SGK1: variants seen among roughly 807,000 people sequenced by gnomAD.
SGK1 encodes the protein serine/threonine-protein kinase Sgk1.
A neutral mutation model predicts 64.2 loss-of-function variants in SGK1; 26 were observed. The ratio of observed to expected loss-of-function variants is 0.40; its 90% CI spans 0.30 to 0.56. The LOEUF (loss-of-function observed/expected upper bound fraction) is 0.56. Ranked by LOEUF, SGK1 falls within the 20% of genes least tolerant of loss-of-function variation. The pLI is 0.38. For synonymous variants in SGK1, 265 were observed against 239.7 expected (o/e 1.11, Z -0.98); for missense variants, 519 against 645.6 (o/e 0.80, Z 2.12).
chr6:134,281,329 T>A (rs1044433376), intron 1 of SGK1, among the ~76,000 whole-genome samples: 18 of 152,178 alleles, frequency 1.2e-4, no homozygotes, highest in African/African-American at 4.1e-4. Flanking sequence ...AATCTCTAAA[T>A]CTATTTTCTC....
intron 5 of SGK1, 141 bp downstream of exon 5, chr6:134,173,860 ATATT>A (rs768483661): frequency 7.6e-6 from 5 of 657,642 alleles, no homozygotes; most frequent in Non-Finnish European, 1.1e-5. Flanking sequence ...CAATACTTAA[ATATT>A]TATATCACTT....
intron 1 of SGK1, among the ~76,000 whole-genome samples, chr6:134,313,786 C>CGTA (rs1182700396): frequency 7.2e-5 from 11 of 151,958 alleles, no homozygotes; most frequent in African/African-American, 2.2e-4. Context: ...TTTCACATAC[C>CGTA]TTGTGTATTT....
At chr6:134,244,611 C>T (rs1016260574) in intron 2 of SGK1, among the ~76,000 whole-genome samples, 3 of 152,110 alleles carry the variant, frequency 2.0e-5, no homozygotes, top group Non-Finnish European at 4.4e-5. Context: ...GCAACGCCCC[C>T]CACCTGCTTC....
chr6:134,227,950 T>G (rs963463938), intron 2 of SGK1, among the ~76,000 whole-genome samples: 27 of 134,036 alleles, frequency 2.0e-4, no homozygotes, highest in Middle Eastern at 3.6e-3. Flanking sequence ...ATTCTTTTTT[T>G]TTTTTTTTTT....
At chr6:134,256,370 C>CTG (rs753190735) in intron 2 of SGK1, among the ~76,000 whole-genome samples, 14 of 150,584 alleles carry the variant, frequency 9.3e-5, no homozygotes, top group Non-Finnish European at 1.2e-4. Context: ...GTGTGTGTGT[C>CTG]TGTGTGTGTG....
intron 2 of SGK1, among the ~76,000 whole-genome samples, chr6:134,237,439 G>A (rs1453158481): frequency 3.3e-5 from 5 of 151,646 alleles, no homozygotes; most frequent in Non-Finnish European, 5.9e-5. Flanking sequence ...ACTTTGGGAG[G>A]CCAAGGCAGG....
At chr6:134,231,172 G>C (rs1776272392) in intron 2 of SGK1, among the ~76,000 whole-genome samples, 1 of 152,208 alleles carries the variant, frequency 6.6e-6, no homozygotes, top group Non-Finnish European at 1.5e-5. Context: ...CTCCGTGACA[G>C]AGTGAGAATC....
At chr6:134,191,860 G>C (rs561488040) in intron 3 of SGK1, among the ~76,000 whole-genome samples, 1 of 9,422 alleles carries the variant, frequency 1.1e-4, no homozygotes, top group South Asian at 6.7e-3. Flanking sequence ...TTTTGAGACA[G>C]AGTCTCGCTC....
At chr6:134,226,176 T>C (rs938792203) in intron 2 of SGK1, among the ~76,000 whole-genome samples, 1 of 151,674 alleles carries the variant, frequency 6.6e-6, no homozygotes. Context: ...AACAATCTTA[T>C]CAAGGAAGGT....
intron 3 of SGK1, among the ~76,000 whole-genome samples, chr6:134,206,348 TATATATATATATATATATATATATATA>T (rs1775770334): frequency 9.1e-5 from 1 of 10,942 alleles, no homozygotes; most frequent in South Asian, 4.8e-3. Context: ...GATATATATA[TATATATATATATATATATATATATATA>T]TATATATATT....
At chr6:134,267,125 C>A (rs1166838008) in intron 1 of SGK1, among the ~76,000 whole-genome samples, 1 of 152,086 alleles carries the variant, frequency 6.6e-6, no homozygotes, top group African/African-American at 2.4e-5. Flanking sequence ...CCCCTGACTC[C>A]CTGAACACCC....
At position 134,213,716 on chromosome 6, in the gene SGK1, C is replaced by T. The variant is rs544573062; in HGVS notation, c.286-6285G>A. 5.4e-4 allele frequency among the ~76,000 whole-genome samples: 82 copies of T among 152,094 alleles called. 1 individual carries two copies. The South Asian group carries it at 0.015, about 28-fold the overall frequency. ...AGTTGGAAGCTAAAGAAGTGACCAGCGCCTGGAGTTTGGCTCCTGGCTGAA... is the reference window on the plus strand; with the variant it reads ...AGTTGGAAGCTAAAGAAGTGACCAGTGCCTGGAGTTTGGCTCCTGGCTGAA... On this transcript the variant is annotated intron_variant, in intron 2 of 13. Transcript: ENST00000367858.
chr6:134,177,362 T>C (rs932051928), intron 3 of SGK1, among the ~76,000 whole-genome samples: 2 of 152,240 alleles, frequency 1.3e-5, no homozygotes, highest in East Asian at 1.9e-4. Context: ...GGAATCTTCA[T>C]AGAATGTGAC....
Position 134,173,570 on chromosome 6 carries a change from G to C in SGK1, c.514-4C>G. On this transcript the variant is annotated splice_polypyrimidine_tract_variant and splice_region_variant and intron_variant, in intron 5 of 13. Coordinates refer to ENST00000367858, the MANE Select transcript of SGK1 (RefSeq NM_001143676.3). ...TGATTTGCTGAGAAGGACTTGGCTAGAAAAAAAAAAAAAGAATTTCTTTTA... is the reference window on the plus strand; with the variant it reads ...TGATTTGCTGAGAAGGACTTGGCTACAAAAAAAAAAAAAGAATTTCTTTTA... The C allele has an allele frequency of 7.9e-7, 1 of 1,258,688 alleles. No homozygotes were observed. Among genetic ancestry groups the C allele is most frequent in the Non-Finnish European group, 1.1e-6 (1 of 920,954 alleles). 78.0% of individuals were successfully genotyped at this position (1,258,688 alleles called of 1,614,324 possible).
At position 134,296,576 on chromosome 6, in the gene SGK1, C is replaced by A. The variant is rs1777350441; in HGVS notation, c.69+20816G>T. 2.0e-5 allele frequency among the ~76,000 whole-genome samples: 3 copies of A among 152,106 alleles called. No individual in the cohort carries two copies. In the South Asian group the frequency reaches 6.2e-4, roughly 31 times the overall value. ...GACTCAAGCAACCCTCTTGCCTCAG[C>A]CTCCTAAAGTGCTGAGATTACAGGC... On this transcript the variant is annotated intron_variant, in intron 1 of 13. Coordinates refer to ENST00000367858, the MANE Select transcript of SGK1 (RefSeq NM_001143676.3).
intron 1 of SGK1, among the ~76,000 whole-genome samples, chr6:134,285,575 G>T (rs1330033216): frequency 7.9e-5 from 12 of 151,110 alleles, no homozygotes; most frequent in Admixed American, 7.9e-4. Context: ...ATTCTTGCAG[G>T]AGTAAAGTGG....
intron 2 of SGK1, among the ~76,000 whole-genome samples, chr6:134,226,334 G>C (rs1363566427): frequency 6.7e-6 from 1 of 150,116 alleles, no homozygotes; most frequent in African/African-American, 2.5e-5. Flanking sequence ...GCTGAATCCT[G>C]CCCCCCCTCA....
At chr6:134,294,097 G>C (rs1777305183) in intron 1 of SGK1, among the ~76,000 whole-genome samples, 1 of 152,174 alleles carries the variant, frequency 6.6e-6, no homozygotes, top group African/African-American at 2.4e-5. Context: ...AAAAACAACA[G>C]CAAAGAACCC....
chr6:134,299,957 AAG>A (rs928046941), intron 1 of SGK1, among the ~76,000 whole-genome samples: 86 of 152,276 alleles, frequency 5.6e-4, no homozygotes, highest in African/African-American at 1.9e-3. Context: ...GTAAGTCAAA[AAG>A]AGAGAGAGAA....
Sources: allele counts gnomAD v4.1 joint callset (sites outside exome capture counted in the v4.1 genomes callset), GRCh38; gene constraint gnomAD v4.1.1; transcripts MANE v1.5; gene names NCBI Gene and HGNC (gene_info 2026-07-23, HGNC 2026-07-21).